Variants in KIRREL3 observed in about 807,000 individuals in gnomAD.
The protein encoded by KIRREL3 is kin of IRRE-like protein 3.
In KIRREL3, 36 loss-of-function variants were observed where a neutral mutation model predicts 89.7. The ratio of observed to expected loss-of-function variants is 0.40; its 90% CI spans 0.31 to 0.53. The LOEUF (loss-of-function observed/expected upper bound fraction) is 0.53. KIRREL3 is among the 20% of genes least tolerant of loss of function. The pLI is 0.49. For synonymous variants in KIRREL3, 445 were observed against 441.4 expected (o/e 1.01, Z -0.10); for missense variants, 864 against 1,056.6 (o/e 0.82, Z 2.53).
rs1290003555 is a variant in KIRREL3, at chr11:126,647,300, C to A, written c.56-84388G>T. Among the ~76,000 whole-genome samples the A allele has an allele frequency of 1.3e-5, 2 of 152,184 alleles. No homozygotes were observed. Among genetic ancestry groups the A allele is most frequent in the Admixed American group, 6.5e-5 (1 of 15,282 alleles). ...AATCAGAATAAGCTCCCAAGCCTTG[C>A]ATGCCCGTTTTAATTAACTTGTCTA... On this transcript the variant is annotated intron_variant, in intron 1 of 16. Transcript: ENST00000525144. This position sits in a 1 kb window ranked among gnomAD's most constrained non-coding sequence, Gnocchi z 4.9.
At chr11:126,500,060 A>T (rs539575582) in intron 4 of KIRREL3, among the ~76,000 whole-genome samples, 1 of 152,290 alleles carries the variant, frequency 6.6e-6, no homozygotes, top group South Asian at 2.1e-4. Flanking sequence ...CTACCCACTG[A>T]CTGCACTATG....
In KIRREL3 at chr11:126,535,569, G is replaced by A. The variant is rs1937784305; in HGVS notation, c.134-8882C>T. Reference sequence around the variant, plus strand: ...CTTAGGGCAGCACTGCAGGGTGCTGGGTCGGGTGTGTGTGTGTGTGTGTGC... The same window carrying A: ...CTTAGGGCAGCACTGCAGGGTGCTGAGTCGGGTGTGTGTGTGTGTGTGTGC... On this transcript the variant is annotated intron_variant, in intron 2 of 16. Coordinates refer to ENST00000525144, the MANE Select transcript of KIRREL3 (RefSeq NM_032531.4). The surrounding 1 kb of genome is among the most constrained non-coding windows in gnomAD (Gnocchi z 4.5). Among the ~76,000 whole-genome samples the A allele has an allele frequency of 8.0e-6, 1 of 125,604 alleles. No homozygotes were observed. The highest frequency in any genetic ancestry group is 1.7e-5 in the Non-Finnish European group (1 of 59,606). The allele number at this position is 125,604 out of a possible 152,430, so 82.4% of individuals were successfully genotyped here.
In KIRREL3 at chr11:126,636,944, G is replaced by A. The variant is rs1291594729; in HGVS notation, c.56-74032C>T. Among the ~76,000 whole-genome samples the A allele has an allele frequency of 6.6e-6, 1 of 152,204 alleles. No homozygotes were observed. The highest frequency in any genetic ancestry group is 2.4e-5 in the African/African-American group (1 of 41,444). On this transcript the variant is annotated intron_variant, in intron 1 of 16. Transcript: ENST00000525144. This position sits in a 1 kb window ranked among gnomAD's most constrained non-coding sequence, Gnocchi z 4.4. The stretch of plus-strand genomic sequence containing the variant: ...CTGGAAGATAAAAAGAGATGACTGA[G>A]GGATAAAAAGGCGATGTGAAAGTCC...
In KIRREL3 at chr11:126,463,740, C is replaced by CGGGGACAGTGGCCCCTGAGG. The variant is rs1449731020; in HGVS notation, c.592-434_592-433insCCTCAGGGGCCACTGTCCCC. On this transcript the variant is annotated intron_variant, in intron 5 of 16. Coordinates refer to ENST00000525144, the MANE Select transcript of KIRREL3 (RefSeq NM_032531.4). The surrounding 1 kb of genome is among the most constrained non-coding windows in gnomAD (Gnocchi z 5.9). ...ACCAGCAGGGACTGTGGCCCCTGAG[C>CGGGGACAGTGGCCCCTGAGG]GGGGACAGTCTGCAGAGGAGGCACA... 1.3e-5 allele frequency among the ~76,000 whole-genome samples: 2 copies of CGGGGACAGTGGCCCCTGAGG among 152,014 alleles called. No individual in the cohort carries two copies. Among genetic ancestry groups the CGGGGACAGTGGCCCCTGAGG allele is most frequent in the African/African-American group, 4.8e-5 (2 of 41,390 alleles).
Position 126,429,320 on chromosome 11 carries a change from G to A in KIRREL3, c.1697-32C>T. 1 of 1,483,458 alleles carries A rather than the reference G, an allele frequency of 6.7e-7. No individual in the cohort carries two copies. Among genetic ancestry groups the A allele is most frequent in the Non-Finnish European group, 9.4e-7 (1 of 1,062,092 alleles). The allele number at this position is 1,483,458 out of a possible 1,614,324, so 91.9% of individuals were successfully genotyped here. On this transcript the variant is annotated intron_variant, in intron 14 of 16. Coordinates refer to ENST00000525144, the MANE Select transcript of KIRREL3 (RefSeq NM_032531.4). The surrounding 1 kb of genome is among the most constrained non-coding windows in gnomAD (Gnocchi z 5.2). ...ATAAAATAGTAAAGTGTAGATGATA[G>A]ATTTAGTTCTTACCTTTGAGATGTC...
rs1400873563 is a variant in KIRREL3 at position 126,905,657 on chromosome 11, A to G, written c.55+94798T>C. ...TGTGTGATTCGGTGTGCTAAATGGC[A>G]TGTCTCCATTCTCCAATCTGTCTGG... On this transcript the variant is annotated intron_variant, in intron 1 of 16. Coordinates refer to ENST00000525144, the MANE Select transcript of KIRREL3 (RefSeq NM_032531.4). The surrounding 1 kb of genome is among the most constrained non-coding windows in gnomAD (Gnocchi z 5.0). Among the ~76,000 whole-genome samples the G allele has an allele frequency of 1.3e-5, 2 of 152,032 alleles. No homozygotes were observed. Among genetic ancestry groups the G allele is most frequent in the Non-Finnish European group, 2.9e-5 (2 of 68,012 alleles).
rs184103298 is a variant in KIRREL3, at chr11:126,795,183, C to A, written c.55+205272G>T. ...TGGATACATGTCATCACACATTTGG[C>A]CAAGCCCATAGAGTGTACAGCATAC... On this transcript the variant is annotated intron_variant, in intron 1 of 16. Transcript: ENST00000525144. The surrounding 1 kb of genome is among the most constrained non-coding windows in gnomAD (Gnocchi z 4.1). Among the ~76,000 whole-genome samples the A allele has an allele frequency of 6.6e-6, 1 of 152,068 alleles. No homozygotes were observed. The highest frequency in any genetic ancestry group is 2.4e-5 in the African/African-American group (1 of 41,392).
At chr11:126,631,425 A>G (rs973700811) in intron 1 of KIRREL3, among the ~76,000 whole-genome samples, 5 of 152,180 alleles carry the variant, frequency 3.3e-5, no homozygotes, top group African/African-American at 1.2e-4. Context: ...GACAGTTTGA[A>G]GTTGTTCATA....
chr11:126,810,011 A>G (rs1478302746), intron 1 of KIRREL3, among the ~76,000 whole-genome samples: 1 of 152,142 alleles, frequency 6.6e-6, no homozygotes, highest in African/African-American at 2.4e-5. Flanking sequence ...CATGGCTCGA[A>G]ATAGATGTCT....
rs1328598444 is a variant in KIRREL3, at chr11:126,608,182, G to T, written c.56-45270C>A. Among the ~76,000 whole-genome samples, 1 of 152,162 alleles carries T rather than the reference G, an allele frequency of 6.6e-6. No homozygotes were observed. Among genetic ancestry groups the T allele is most frequent in the Non-Finnish European group, 1.5e-5 (1 of 68,024 alleles). On this transcript the variant is annotated intron_variant, in intron 1 of 16. Transcript: ENST00000525144. This position sits in a 1 kb window ranked among gnomAD's most constrained non-coding sequence, Gnocchi z 4.9. ...CAGCTGGAGGTGGGGGCGGGCCATG[G>T]TGGGCCAGGACAGGTGGGAGAGAAA... is the stretch of plus-strand genomic sequence containing the variant.
chr11:126,873,438 G>C (rs1011648309), intron 1 of KIRREL3, among the ~76,000 whole-genome samples: 1 of 152,178 alleles, frequency 6.6e-6, no homozygotes, highest in East Asian at 1.9e-4. Flanking sequence ...ATGCCGGGCT[G>C]TTTGTAGAAA....
rs985835731 is a variant in KIRREL3, at chr11:126,736,952, A to T, written c.56-174040T>A. Among the ~76,000 whole-genome samples the T allele has an allele frequency of 6.6e-6, 1 of 152,182 alleles. No homozygotes were observed. Among genetic ancestry groups the T allele is most frequent in the African/African-American group, 2.4e-5 (1 of 41,462 alleles). ...TACTTAGTTTTCCAGGGAGCCAGCA[A>T]TTGGTTACATCAGAAAACTTTATTC... is the stretch of plus-strand genomic sequence containing the variant. On this transcript the variant is annotated intron_variant, in intron 1 of 16. Transcript: ENST00000525144. The surrounding 1 kb of genome is among the most constrained non-coding windows in gnomAD (Gnocchi z 5.0).
chr11:126,647,435 AC>A lies in KIRREL3; in HGVS notation c.56-84524del. On this transcript the variant is annotated intron_variant, in intron 1 of 16. Transcript: ENST00000525144. The surrounding 1 kb of genome is among the most constrained non-coding windows in gnomAD (Gnocchi z 4.9). ...ACCCCTTTCCCTCTAATCAAATTCA[AC>A]CCCACCCCTCTCACCAGGGTCCAAG... 6.6e-6 allele frequency among the ~76,000 whole-genome samples: 1 copy of A among 152,096 alleles called. No individual in the cohort carries two copies. The highest frequency in any genetic ancestry group is 2.1e-4 in the South Asian group (1 of 4,808).
At chr11:126,759,520 T>C (rs111285847) in intron 1 of KIRREL3, among the ~76,000 whole-genome samples, 1 of 152,250 alleles carries the variant, frequency 6.6e-6, no homozygotes, top group Non-Finnish European at 1.5e-5. Context: ...GGTATGCTCA[T>C]AGTTTTTACT....
intron 1 of KIRREL3, among the ~76,000 whole-genome samples, chr11:126,618,254 G>A (rs1396082213): frequency 8.5e-6 from 1 of 117,308 alleles, no homozygotes; most frequent in Non-Finnish European, 1.8e-5. Flanking sequence ...CCAGGGTGGT[G>A]CTAACTCACT....
rs1290197733 is a variant in KIRREL3 at position 126,641,585 on chromosome 11, G to A, written c.56-78673C>T. Reference sequence around the variant, plus strand: ...ATATGTCTCACCAATCCATTTACAGGTCGCAGACATTTACAACACCAGCCT... The same window carrying A: ...ATATGTCTCACCAATCCATTTACAGATCGCAGACATTTACAACACCAGCCT... On this transcript the variant is annotated intron_variant, in intron 1 of 16. Coordinates refer to ENST00000525144, the MANE Select transcript of KIRREL3 (RefSeq NM_032531.4). The surrounding 1 kb of genome is among the most constrained non-coding windows in gnomAD (Gnocchi z 5.0). Among the ~76,000 whole-genome samples the A allele has an allele frequency of 6.6e-6, 1 of 152,040 alleles. No individual in the cohort carries two copies. The highest frequency in any genetic ancestry group is 1.5e-5 in the Non-Finnish European group (1 of 68,022).
intron 1 of KIRREL3, among the ~76,000 whole-genome samples, chr11:126,760,893 T>C (rs1247119025): frequency 6.6e-6 from 1 of 152,222 alleles, no homozygotes; most frequent in East Asian, 1.9e-4. Flanking sequence ...GGCTGGAAAG[T>C]TGCAATGCAC....
At chr11:126,538,841 G>C (rs1024197547) in intron 2 of KIRREL3, among the ~76,000 whole-genome samples, 1 of 152,152 alleles carries the variant, frequency 6.6e-6, no homozygotes, top group South Asian at 2.1e-4. Flanking sequence ...GAGCTGCGGG[G>C]AGGCAAATAT....
Position 126,645,540 on chromosome 11 carries a change from A to G in KIRREL3, c.56-82628T>C, listed in dbSNP as rs978856229. Among the ~76,000 whole-genome samples, 4 of 152,208 alleles carry G rather than the reference A, an allele frequency of 2.6e-5. No individual in the cohort carries two copies. Among genetic ancestry groups the G allele is most frequent in the Non-Finnish European group, 5.9e-5 (4 of 68,042 alleles). ...TGAGTAATAGCCGGGCATAAATCAG[A>G]ATATGCACTTGAACTGGGCTACAGT... On this transcript the variant is annotated intron_variant, in intron 1 of 16. Transcript: ENST00000525144. This position sits in a 1 kb window ranked among gnomAD's most constrained non-coding sequence, Gnocchi z 4.9.
Sources: allele counts gnomAD v4.1 joint callset (sites outside exome capture counted in the v4.1 genomes callset), GRCh38; gene constraint gnomAD v4.1.1; non-coding constraint Gnocchi (gnomAD v3.1); transcripts MANE v1.5; gene names NCBI Gene and HGNC (gene_info 2026-07-23, HGNC 2026-07-21).